The following LRRC75A variants were observed in gnomAD, a reference collection of about 807,000 sequenced individuals.
LRRC75A encodes the protein leucine-rich repeat-containing protein 75A.
LRRC75A carries 12 observed loss-of-function variants against 26.0 expected under a neutral mutation model. That is an observed-to-expected ratio of 0.46 (90% CI 0.30 to 0.75). The LOEUF (loss-of-function observed/expected upper bound fraction) is 0.75. Ranked by LOEUF, LRRC75A falls within the 30% of genes least tolerant of loss-of-function variation. LRRC75A has a pLI of 0.08. For synonymous variants in LRRC75A, 223 were observed against 219.3 expected, an observed-to-expected ratio of 1.02 and a Z score of -0.15; for missense variants, 410 against 486.6, an observed-to-expected ratio of 0.84 and a Z score of 1.48.
intron 2 of LRRC75A, among the ~76,000 whole-genome samples, chr17:16,456,844 A>C (rs2093689589): frequency 6.6e-6 from 1 of 152,202 alleles, no homozygotes; most frequent in African/African-American, 2.4e-5. Context: ...CCCGCCCAGA[A>C]GGCTCAATGG....
intron 1 of LRRC75A, among the ~76,000 whole-genome samples, chr17:16,469,329 C>T (rs972795300): frequency 2.0e-5 from 3 of 152,212 alleles, no homozygotes; most frequent in Admixed American, 6.5e-5. Context: ...TTTTCCATCA[C>T]AGCTTGGCCT....
chr17:16,462,350 G>A lies in LRRC75A; in HGVS notation c.283C>T (p.Leu95=), dbSNP rs1295139313. ...TTCCGGAAGCTGGCGTAGCGATACA[G>A]AACGTCGTCTAGCGAGGTCGACTCC... ...GMESTSLDDV[L]YRYASFRNLV... is the part of the protein sequence containing the mutation. Residue 95 remains leucine, a synonymous_variant, in exon 2 of 4, where the codon CTG becomes TTG. Coordinates refer to ENST00000470794, the MANE Select transcript of LRRC75A (RefSeq NM_001113567.3). The surrounding 1 kb of genome is among the most constrained non-coding windows in gnomAD (Gnocchi z 4.6). The A allele has an allele frequency of 6.2e-7, 1 of 1,614,208 alleles. No individual in the cohort carries two copies. The highest frequency in any genetic ancestry group is 1.7e-5 in the Admixed American group (1 of 60,030).
At chr17:16,475,955 G>A (rs1286369078) in intron 1 of LRRC75A, among the ~76,000 whole-genome samples, 1 of 152,158 alleles carries the variant, frequency 6.6e-6, no homozygotes, top group African/African-American at 2.4e-5. Context: ...CACTTTGGGA[G>A]ACCGAGGTGG....
intron 1 of LRRC75A, among the ~76,000 whole-genome samples, chr17:16,475,679 C>A (rs2093817964): frequency 6.6e-6 from 1 of 152,086 alleles, no homozygotes; most frequent in Non-Finnish European, 1.5e-5. Flanking sequence ...GGAGGCTGAT[C>A]CTCCTGCCTC....
At chr17:16,485,632 G>GTGTGTGTGTGTGTGTGTGTGTGTGTC (rs2093844654) in intron 1 of LRRC75A, among the ~76,000 whole-genome samples, 1 of 45,728 alleles carries the variant, frequency 2.2e-5, no homozygotes, top group Non-Finnish European at 3.5e-5. Flanking sequence ...AGGACAAGCA[G>GTGTGTGTGTGTGTGTGTGTGTGTGTC]TGTGTGTGTG....
At chr17:16,445,877 A>T (rs920200720) in intron 3 of LRRC75A, among the ~76,000 whole-genome samples, 6 of 152,188 alleles carry the variant, frequency 3.9e-5, no homozygotes, top group Non-Finnish European at 1.5e-5. Context: ...CTAACCAGTC[A>T]ATTGACAACA....
intron 2 of LRRC75A, among the ~76,000 whole-genome samples, chr17:16,460,565 T>C (rs555830236): frequency 6.3e-4 from 96 of 152,276 alleles, no homozygotes; most frequent in African/African-American, 2.3e-3. Flanking sequence ...AGGCCCCTCC[T>C]CCTGCCCCCA....
At chr17:16,484,547 G>C (rs1408026124) in intron 1 of LRRC75A, among the ~76,000 whole-genome samples, 1 of 152,070 alleles carries the variant, frequency 6.6e-6, no homozygotes, top group African/African-American at 2.4e-5. Context: ...ACCACTTCCA[G>C]TTCTCATGGC....
At chr17:16,476,808 G>A (rs540514014) in intron 1 of LRRC75A, among the ~76,000 whole-genome samples, 12 of 139,526 alleles carry the variant, frequency 8.6e-5, no homozygotes, top group Admixed American at 2.4e-4. Flanking sequence ...GCACAATCTC[G>A]GCTCACTGCA....
At chr17:16,487,403 G>A (rs1264927651) in intron 1 of LRRC75A, among the ~76,000 whole-genome samples, 2 of 152,188 alleles carry the variant, frequency 1.3e-5, no homozygotes, top group African/African-American at 4.8e-5. Context: ...CACATCTCCA[G>A]GGAGTCTCCA....
intron 2 of LRRC75A, among the ~76,000 whole-genome samples, chr17:16,461,694 A>AGCGGACAGCCCCATGCAGGGCC (rs2093728787): frequency 6.6e-6 from 1 of 152,236 alleles, no homozygotes; most frequent in Non-Finnish European, 1.5e-5. Flanking sequence ...ACTGAGGCAA[A>AGCGGACAGCCCCATGCAGGGCC]GCGGACAGCC....
At chr17:16,471,086 C>T (rs931656923) in intron 1 of LRRC75A, among the ~76,000 whole-genome samples, 2 of 152,212 alleles carry the variant, frequency 1.3e-5, no homozygotes, top group East Asian at 1.9e-4. Flanking sequence ...GGTCTTCACA[C>T]ACAGATTACC....
At chr17:16,489,611 T>C (rs2093853351) in intron 1 of LRRC75A, among the ~76,000 whole-genome samples, 1 of 152,238 alleles carries the variant, frequency 6.6e-6, no homozygotes, top group Non-Finnish European at 1.5e-5. Flanking sequence ...CCAAATGGCC[T>C]CAGGGTCCTA....
intron 1 of LRRC75A, among the ~76,000 whole-genome samples, chr17:16,469,212 C>T (rs1052574251): frequency 2.6e-5 from 4 of 152,162 alleles, no homozygotes; most frequent in African/African-American, 7.2e-5. Context: ...CCAGCATCAC[C>T]GCTCTCACTG....
chr17:16,479,757 T>C (rs1038137345), intron 1 of LRRC75A, among the ~76,000 whole-genome samples: 1 of 152,236 alleles, frequency 6.6e-6, no homozygotes, highest in African/African-American at 2.4e-5. Context: ...GGAACACCTC[T>C]TCAGGTCATG....
intron 2 of LRRC75A, among the ~76,000 whole-genome samples, chr17:16,455,492 C>T (rs2093670076): frequency 6.6e-6 from 1 of 151,530 alleles, no homozygotes; most frequent in Non-Finnish European, 1.5e-5. Context: ...GGTTCTCTTG[C>T]TTCAGCCTCC....
chr17:16,471,111 A>G (rs549257855), intron 1 of LRRC75A, among the ~76,000 whole-genome samples: 1 of 152,326 alleles, frequency 6.6e-6, no homozygotes, highest in African/African-American at 2.4e-5. Context: ...GGACCCTGAG[A>G]TGAGATGATC....
chr17:16,484,426 GA>G (rs2093841616), intron 1 of LRRC75A, among the ~76,000 whole-genome samples: 1 of 152,292 alleles, frequency 6.6e-6, no homozygotes, highest in East Asian at 1.9e-4. Context: ...TTATGGACTA[GA>G]AAGCCATGTG....
Position 16,462,321 on chromosome 17 carries a change from C to T in LRRC75A, c.312G>A (p.Leu104=), listed in dbSNP as rs759534426. The T allele has an allele frequency of 2.8e-5, 46 of 1,614,040 alleles. No homozygotes were observed. Among genetic ancestry groups the T allele is most frequent in the Non-Finnish European group, 3.8e-5 (45 of 1,180,018 alleles). The part of the protein sequence containing the change: ...VLYRYASFRN[L]VDPITHDLII... The stretch of plus-strand genomic sequence containing the variant: ...TGAGGTCGTGTGTGATGGGGTCCAC[C>T]AGGTTCCGGAAGCTGGCGTAGCGAT... Residue 104 remains leucine, a synonymous_variant, in exon 2 of 4, where the codon CTG becomes CTA. Transcript: ENST00000470794. The surrounding 1 kb of genome is among the most constrained non-coding windows in gnomAD (Gnocchi z 4.6).
Sources: gnomAD v4.1 joint callset for allele counts (sites outside exome capture counted in the v4.1 genomes callset) on GRCh38, gnomAD v4.1.1 for gene constraint, Gnocchi (gnomAD v3.1) non-coding constraint, MANE v1.5 for transcripts, NCBI Gene and HGNC (gene_info 2026-07-23, HGNC 2026-07-21) for gene names.